PRIM2: variants seen among roughly 807,000 people sequenced by gnomAD.
PRIM2 encodes DNA primase large subunit.
A neutral mutation model predicts 67.3 loss-of-function variants in PRIM2; 39 were observed. The observed-to-expected ratio is 0.58, with a 90% CI of 0.45 to 0.76. The LOEUF is 0.76. Among genes scored for constraint, PRIM2 ranks in the 30% least tolerant of loss-of-function variants. The pLI is 0.00. For synonymous variants in PRIM2, 143 were observed against 198.7 expected, an observed-to-expected ratio of 0.72 and a Z score of 2.36; for missense variants, 398 against 598.7, an observed-to-expected ratio of 0.66 and a Z score of 3.50.
the PRIM2 span, among the ~76,000 whole-genome samples, chr6:57,240,502 G>A: frequency 2.0e-5 from 3 of 152,050 alleles, no homozygotes; most frequent in Non-Finnish European, 2.9e-5. Flanking sequence ...GGGAAGCTAC[G>A]GGGGAAGATA....
chr6:57,521,367 G>GTTTTTTTTTTTTT (rs1163114437), intron 8 of PRIM2, among the ~76,000 whole-genome samples: 3 of 97,956 alleles, frequency 3.1e-5, no homozygotes, highest in Non-Finnish European at 3.8e-5. Context: ...TGTGGTTAGG[G>GTTTTTTTTTTTTT]TTTTTTTTTT....
chr6:57,292,033 A>T, the PRIM2 span, among the ~76,000 whole-genome samples: 10 of 152,252 alleles, frequency 6.6e-5, no homozygotes, highest in African/African-American at 1.9e-4. Context: ...GGGTATTCAA[A>T]TAGGAAAAGA....
chr6:57,577,327 C>A (rs1775981246), intron 10 of PRIM2, among the ~76,000 whole-genome samples: 1 of 152,030 alleles, frequency 6.6e-6, no homozygotes, highest in African/African-American at 2.4e-5. Context: ...TCTCAATTTC[C>A]TAGGCTGTAA....
chr6:57,317,313 T>G (rs1767509528), upstream of PRIM2, among the ~76,000 whole-genome samples: 1 of 152,178 alleles, frequency 6.6e-6, no homozygotes, highest in Non-Finnish European at 1.5e-5. Context: ...GAATATTTGT[T>G]AGTGTCCCCA....
chr6:57,374,085 A>T (rs1342573392), intron 5 of PRIM2, among the ~76,000 whole-genome samples: 4 of 151,772 alleles, frequency 2.6e-5, no homozygotes, highest in Non-Finnish European at 5.9e-5. Context: ...ATGAGCATGG[A>T]ATATTTTTCC....
At chr6:57,283,256 C>G in the PRIM2 span, among the ~76,000 whole-genome samples, 1 of 152,068 alleles carries the variant, frequency 6.6e-6, no homozygotes, top group Non-Finnish European at 1.5e-5. Context: ...TTGGGAGTGG[C>G]CTTTCTTCTC....
intron 7 of PRIM2, among the ~76,000 whole-genome samples, chr6:57,502,880 A>G (rs1202364344): frequency 1.2e-4 from 19 of 152,310 alleles, no homozygotes; most frequent in African/African-American, 4.6e-4. Flanking sequence ...ACTACATTGC[A>G]GGGTAGTGCA....
chr6:57,571,680 A>G (rs1344659093), intron 10 of PRIM2, among the ~76,000 whole-genome samples: 1 of 152,146 alleles, frequency 6.6e-6, no homozygotes, highest in Admixed American at 6.5e-5. Context: ...CAAAAAACAA[A>G]AAAACACAAC....
intron 7 of PRIM2, among the ~76,000 whole-genome samples, chr6:57,469,886 T>C (rs1195600721): frequency 6.6e-6 from 1 of 152,234 alleles, no homozygotes; most frequent in African/African-American, 2.4e-5. Context: ...AATTATAAAC[T>C]TCTGCTGCCC....
intron 7 of PRIM2, among the ~76,000 whole-genome samples, chr6:57,427,111 T>A (rs1424493669): frequency 2.0e-5 from 3 of 152,206 alleles, no homozygotes; most frequent in Non-Finnish European, 4.4e-5. Flanking sequence ...AACTTCTTTA[T>A]CACCCTGGCA....
At chr6:57,461,853 T>C (rs1773017790) in intron 7 of PRIM2, among the ~76,000 whole-genome samples, 1 of 152,232 alleles carries the variant, frequency 6.6e-6, no homozygotes, top group Non-Finnish European at 1.5e-5. Context: ...ATTATGGATT[T>C]AAAATGTTGG....
chr6:57,309,450 T>A, the PRIM2 span, among the ~76,000 whole-genome samples: 22 of 152,030 alleles, frequency 1.4e-4, no homozygotes, highest in African/African-American at 5.3e-4. Context: ...TTCATCCATA[T>A]CCCTACAAAG....
intron 12 of PRIM2, among the ~76,000 whole-genome samples, chr6:57,612,283 C>T (rs1265940889): frequency 6.6e-6 from 1 of 152,126 alleles, no homozygotes; most frequent in East Asian, 1.9e-4. Context: ...AAATCTGTTC[C>T]TAAGTGTTTA....
the PRIM2 span, among the ~76,000 whole-genome samples, chr6:57,225,139 A>G: frequency 2.0e-5 from 3 of 152,082 alleles, no homozygotes; most frequent in African/African-American, 7.3e-5. Flanking sequence ...TTTTAAAAAA[A>G]TGGTATATAA....
At chr6:57,510,987 G>T (rs1774355081) in intron 8 of PRIM2, among the ~76,000 whole-genome samples, 1 of 151,994 alleles carries the variant, frequency 6.6e-6, no homozygotes, top group South Asian at 2.1e-4. Flanking sequence ...TCATTATTAG[G>T]TCTAATTTTG....
At chr6:57,391,319 A>G (rs1770337849) in intron 7 of PRIM2, among the ~76,000 whole-genome samples, 1 of 146,084 alleles carries the variant, frequency 6.8e-6, no homozygotes, top group African/African-American at 2.6e-5. Flanking sequence ...ATTTTCTTCC[A>G]TTCTGTAGGT....
At chr6:57,281,994 A>T in the PRIM2 span, among the ~76,000 whole-genome samples, 30,647 of 152,072 alleles carry the variant, frequency 0.2, 3,533 homozygotes, top group African/African-American at 0.31. Flanking sequence ...TTCCAGATTG[A>T]CCAAGGAAAA....
chr6:57,599,917 A>G (rs1776429691), intron 10 of PRIM2, among the ~76,000 whole-genome samples: 1 of 152,206 alleles, frequency 6.6e-6, no homozygotes, highest in Non-Finnish European at 1.5e-5. Flanking sequence ...GCTCCTGAGT[A>G]GCTGAGATGA....
chr6:57,544,893 A>G (rs1775253767), intron 10 of PRIM2, among the ~76,000 whole-genome samples: 1 of 152,234 alleles, frequency 6.6e-6, no homozygotes, highest in South Asian at 2.1e-4. Context: ...ATAAATTTTC[A>G]TACATGTTCA....
Sources: gnomAD v4.1 joint callset for allele counts (sites outside exome capture counted in the v4.1 genomes callset) on GRCh38, gnomAD v4.1.1 for gene constraint, MANE v1.5 for transcripts, NCBI Gene and HGNC (gene_info 2026-07-23, HGNC 2026-07-21) for gene names.